Variants in TOX2 observed in about 807,000 individuals in gnomAD.
TOX2 encodes granulosa cell HMG box 1.
Under a neutral mutation model 47.4 loss-of-function variants are expected in TOX2, and 15 were observed. The observed-to-expected ratio is 0.32, with a 90% confidence interval of 0.21 to 0.49. The LOEUF (loss-of-function observed/expected upper bound fraction) is 0.49. TOX2 is among the 20% of genes least tolerant of loss of function. The pLI is 0.99. For missense variants in TOX2, 622 were observed against 673.1 expected (o/e 0.92, Z 0.84); for synonymous variants, 290 against 296.6 (o/e 0.98, Z 0.23).
At chr20:44,012,128 G>A (rs2070786644) in intron 3 of TOX2, among the ~76,000 whole-genome samples, 1 of 152,218 alleles carries the variant, frequency 6.6e-6, no homozygotes, top group Non-Finnish European at 1.5e-5. Flanking sequence ...TGTGTTGATT[G>A]TCTCATTTCG....
intron 1 of TOX2, among the ~76,000 whole-genome samples, chr20:43,927,629 TTCCTTCCTTCCTC>T (rs2069189679): frequency 6.6e-5 from 7 of 105,854 alleles, no homozygotes; most frequent in East Asian, 3.9e-4. Context: ...TCCTTCCTCC[TTCCTTCCTTCCTC>T]CCCTTCCCTT....
At chr20:44,036,467 C>T (rs1359025657) in intron 3 of TOX2, among the ~76,000 whole-genome samples, 2 of 152,216 alleles carry the variant, frequency 1.3e-5, no homozygotes, top group African/African-American at 2.4e-5. Flanking sequence ...TGTAAAATGT[C>T]GATGATAAGC....
intron 1 of TOX2, among the ~76,000 whole-genome samples, chr20:43,921,307 T>C (rs1450360899): frequency 6.6e-6 from 1 of 152,204 alleles, no homozygotes; most frequent in Admixed American, 6.5e-5. Flanking sequence ...TAGGGCAATC[T>C]ATTTTGCTTC....
At chr20:43,999,040 G>A (rs543372080) in intron 2 of TOX2, among the ~76,000 whole-genome samples, 47 of 152,258 alleles carry the variant, frequency 3.1e-4, no homozygotes, top group African/African-American at 9.1e-4. Context: ...GATTACAGGC[G>A]TGCGCCACCA....
rs759086051 is a variant in TOX2, at chr20:43,964,839, C to G, written c.100-8528C>G. ...TGGTATACAGTAGGTGCTCTTTGGC[C>G]AGTGCTCACAGCAGCCTTGGATGTC... On this transcript the variant is annotated intron_variant, in intron 1 of 8. Coordinates refer to ENST00000341197, the MANE Select transcript of TOX2 (RefSeq NM_001098797.2). Among the ~76,000 whole-genome samples, 3 of 152,140 alleles carry G rather than the reference C, an allele frequency of 2.0e-5. No individual in the cohort carries two copies. The East Asian group carries it at 5.8e-4, about 29-fold the overall frequency.
intron 1 of TOX2, among the ~76,000 whole-genome samples, chr20:43,971,110 G>T (rs2069957958): frequency 6.6e-6 from 1 of 152,158 alleles, no homozygotes; most frequent in African/African-American, 2.4e-5. Flanking sequence ...AGATAGGCCT[G>T]GTCAGAGGTG....
intron 2 of TOX2, among the ~76,000 whole-genome samples, chr20:43,982,021 A>C (rs1337822172): frequency 6.6e-6 from 1 of 151,028 alleles, no homozygotes; most frequent in East Asian, 2.0e-4. Context: ...CTCTGGGTTT[A>C]GGAGGGGGAA....
intron 1 of TOX2, among the ~76,000 whole-genome samples, chr20:43,940,748 G>A (rs927473031): frequency 1.3e-5 from 2 of 152,150 alleles, no homozygotes; most frequent in Non-Finnish European, 2.9e-5. Context: ...GCAGAGACGA[G>A]GCACATGGGA....
At chr20:44,032,325 G>C (rs6130506) in intron 3 of TOX2, among the ~76,000 whole-genome samples, 1 of 152,246 alleles carries the variant, frequency 6.6e-6, no homozygotes, top group Non-Finnish European at 1.5e-5. Context: ...GTGCATTGCA[G>C]GATGTTGGCC....
chr20:44,018,701 G>C (rs1290170612), intron 3 of TOX2, among the ~76,000 whole-genome samples: 1 of 152,194 alleles, frequency 6.6e-6, no homozygotes, highest in East Asian at 1.9e-4. Context: ...AAGGCAGCAA[G>C]ACAAATACAG....
chr20:43,942,175 C>T (rs1172984262), intron 1 of TOX2, among the ~76,000 whole-genome samples: 1 of 152,170 alleles, frequency 6.6e-6, no homozygotes, highest in East Asian at 1.9e-4. Context: ...TATTTATGGA[C>T]CAGACCAGGC....
chr20:43,975,526 G>A (rs1211399562), intron 2 of TOX2, among the ~76,000 whole-genome samples: 2 of 152,078 alleles, frequency 1.3e-5, no homozygotes, highest in African/African-American at 4.8e-5. Flanking sequence ...ACTAGAGCTG[G>A]CATTCAAACT....
In TOX2 at chr20:43,915,059, G is replaced by C; in HGVS notation, c.99+69G>C. 3.1e-6 allele frequency: 3 copies of C among 981,222 alleles called. No homozygotes were observed. Among genetic ancestry groups the C allele is most frequent in the Non-Finnish European group, 3.8e-6 (3 of 784,338 alleles). The allele number at this position is 981,222 out of a possible 1,614,324, so 60.8% of individuals were successfully genotyped here. On this transcript the variant is annotated intron_variant, in intron 1 of 8. Transcript: ENST00000341197. This position sits in a 1 kb window ranked among gnomAD's most constrained non-coding sequence, Gnocchi z 7.1. ...TCACCTGGCAGCTCGGGACTCAGGC[G>C]CTCCCGGGGTCACACGGGGCCGCGC...
intron 3 of TOX2, among the ~76,000 whole-genome samples, chr20:44,031,891 T>C (rs916601165): frequency 2.0e-5 from 3 of 151,622 alleles, no homozygotes; most frequent in African/African-American, 7.3e-5. Flanking sequence ...CAGCAGGCGC[T>C]GGTCTAGATA....
intron 1 of TOX2, among the ~76,000 whole-genome samples, chr20:43,966,610 C>T (rs2145447791): frequency 6.6e-6 from 1 of 152,106 alleles, no homozygotes; most frequent in Non-Finnish European, 1.5e-5. Flanking sequence ...CAAATTTAGC[C>T]AGGCTTGGTG....
intron 5 of TOX2, among the ~76,000 whole-genome samples, chr20:44,058,801 T>C (rs1168311957): frequency 6.6e-6 from 1 of 152,038 alleles, no homozygotes; most frequent in Non-Finnish European, 1.5e-5. Flanking sequence ...GAAATAACAA[T>C]CACTGCAGCA....
intron 3 of TOX2, among the ~76,000 whole-genome samples, chr20:44,043,501 T>TAAAGGCA (rs1245662041): frequency 3.9e-5 from 6 of 152,214 alleles, no homozygotes. Flanking sequence ...CATAAAGGCA[T>TAAAGGCA]TATACTGTAT....
chr20:43,981,525 T>TGC (rs1331314831), intron 2 of TOX2, among the ~76,000 whole-genome samples: 1 of 152,202 alleles, frequency 6.6e-6, no homozygotes, highest in East Asian at 1.9e-4. Flanking sequence ...TGTGTGTGTG[T>TGC]GCGTGGTATG....
rs548592169 is a variant in TOX2, at chr20:43,957,434, C to T, written c.100-15933C>T. ...CCACTTTCTGTGTGAGCTATGAGCA[C>T]GTTGCTTAAATTGGGCTTGTTTTTT... is the stretch of plus-strand genomic sequence containing the variant. On this transcript the variant is annotated intron_variant, in intron 1 of 8. Coordinates refer to ENST00000341197, the MANE Select transcript of TOX2 (RefSeq NM_001098797.2). Among the ~76,000 whole-genome samples, 41 of 152,326 alleles carry T rather than the reference C, an allele frequency of 2.7e-4. No homozygotes were observed. In the South Asian group the frequency reaches 3.5e-3, roughly 13 times the overall value.
Sources: allele counts gnomAD v4.1 joint callset (sites outside exome capture counted in the v4.1 genomes callset), GRCh38; gene constraint gnomAD v4.1.1; non-coding constraint Gnocchi (gnomAD v3.1); transcripts MANE v1.5; gene names NCBI Gene and HGNC (gene_info 2026-07-23, HGNC 2026-07-21).